The following SORT1 variants were observed in gnomAD, a reference collection of about 807,000 sequenced individuals.
SORT1 encodes sortilin.
Under a neutral mutation model 101.7 loss-of-function variants are expected in SORT1, and 39 were observed. The observed-to-expected ratio is 0.38, with a 90% CI of 0.30 to 0.50. The LOEUF is 0.50. Ranked by LOEUF, SORT1 falls within the 20% of genes least tolerant of loss-of-function variation. The pLI, the probability that SORT1 is intolerant of heterozygous loss-of-function variation, is 0.90. For synonymous variants in SORT1, 396 were observed against 393.7 expected (o/e 1.01, Z -0.07); for missense variants, 878 against 1,040.4 (o/e 0.84, Z 2.15).
rs756750430 is a variant in SORT1, at chr1:109,327,562, T to G, written c.1411A>C (p.Lys471Gln). 1 of 1,611,870 alleles carries G rather than the reference T, an allele frequency of 6.2e-7. No homozygotes were observed. Among genetic ancestry groups the G allele is most frequent in the Non-Finnish European group, 8.5e-7 (1 of 1,179,360 alleles). Reference protein sequence around the residue: ...HIHASYSISQKLNVPMAPLSE... With the variant: ...HIHASYSISQQLNVPMAPLSE... ...AGTGGGGCCATTGGAACATTCAGTTTCTGGGAGATGCTGTAGGAAGCATGA... is the reference window on the plus strand; with the variant it reads ...AGTGGGGCCATTGGAACATTCAGTTGCTGGGAGATGCTGTAGGAAGCATGA... Residue 471 changes from lysine (K) to glutamine (Q), a missense_variant, in exon 12 of 20, where the codon AAA becomes CAA. Lys to Gln is a moderately conservative substitution (Grantham distance 53). Coordinates refer to ENST00000256637, the MANE Select transcript of SORT1 (RefSeq NM_002959.7).
intron 3 of SORT1, among the ~76,000 whole-genome samples, chr1:109,358,807 C>T (rs1290019449): frequency 6.0e-5 from 9 of 150,326 alleles, no homozygotes; most frequent in South Asian, 2.1e-4. Context: ...GAGCCGAGAT[C>T]GTGCCACTGC....
intron 8 of SORT1, among the ~76,000 whole-genome samples, chr1:109,342,960 C>T (rs1010478647): frequency 2.0e-5 from 3 of 152,130 alleles, no homozygotes; most frequent in Non-Finnish European, 4.4e-5. Context: ...CTTATACCAA[C>T]ATGTCTCATT....
chr1:109,372,512 T>C (rs1181668230), intron 1 of SORT1, among the ~76,000 whole-genome samples: 1 of 152,286 alleles, frequency 6.6e-6, no homozygotes, highest in Non-Finnish European at 1.5e-5. Context: ...GAGTATGAAA[T>C]GTAAAAGTTC....
intron 1 of SORT1, chr1:109,393,194 C>T (rs1653014350): frequency 5.1e-6 from 5 of 985,310 alleles, no homozygotes; most frequent in Non-Finnish European, 6.0e-6. Context: ...GAGCTGACAC[C>T]CCATACAACA....
At chr1:109,342,746 C>A (rs374028095) in intron 8 of SORT1, among the ~76,000 whole-genome samples, 1 of 151,920 alleles carries the variant, frequency 6.6e-6, no homozygotes, top group Non-Finnish European at 1.5e-5. Context: ...CAAGGAGAGT[C>A]GGAAATTACT....
rs1651413197 is a variant in SORT1 at position 109,370,364 on chromosome 1, A to G, written c.307-775T>C. Among the ~76,000 whole-genome samples, 8 of 152,240 alleles carry G rather than the reference A, an allele frequency of 5.3e-5. No individual in the cohort carries two copies. In the South Asian group the frequency reaches 1.2e-3, roughly 24 times the overall value. ...ACAATTATAAGAACGCATAATAAAG[A>G]TAAGTCACTCATAATCCTACCACAT... On this transcript the variant is annotated intron_variant, in intron 1 of 19. Coordinates refer to ENST00000256637, the MANE Select transcript of SORT1 (RefSeq NM_002959.7).
chr1:109,374,488 G>T (rs1032520158), intron 1 of SORT1, among the ~76,000 whole-genome samples: 1 of 152,070 alleles, frequency 6.6e-6, no homozygotes, highest in African/African-American at 2.4e-5. Flanking sequence ...CTACTCAAGA[G>T]GCTGAGGGAG....
chr1:109,333,350 T>C (rs1239441902), intron 11 of SORT1, among the ~76,000 whole-genome samples: 5 of 152,204 alleles, frequency 3.3e-5, no homozygotes, highest in African/African-American at 1.2e-4. Context: ...GACATTCATC[T>C]GGGCAATGGC....
chr1:109,376,081 G>A (rs1247496564), intron 1 of SORT1, among the ~76,000 whole-genome samples: 22 of 152,186 alleles, frequency 1.4e-4, no homozygotes, highest in Non-Finnish European at 1.9e-4. Flanking sequence ...GGTGGCTCAC[G>A]CTTGTAATCC....
intron 5 of SORT1, among the ~76,000 whole-genome samples, chr1:109,351,962 A>G (rs946064714): frequency 4.8e-5 from 5 of 105,216 alleles, no homozygotes; most frequent in African/African-American, 1.9e-4. Context: ...GATGAGAGGT[A>G]GGGGTGTGTG....
At chr1:109,322,272 C>A (rs754095627) in intron 15 of SORT1, among the ~76,000 whole-genome samples, 1 of 151,994 alleles carries the variant, frequency 6.6e-6, no homozygotes, top group African/African-American at 2.4e-5. Flanking sequence ...TTCCTCTTTG[C>A]TCCTCTACCA....
Position 109,312,420 on chromosome 1 carries a change from C to G in SORT1, c.*1623G>C, listed in dbSNP as rs763217312. 2 of 152,470 alleles carry G rather than the reference C, an allele frequency of 1.3e-5. No individual in the cohort carries two copies. The highest frequency in any genetic ancestry group is 2.9e-5 in the Non-Finnish European group (2 of 68,020). The allele number at this position is 152,470 out of a possible 1,614,324, so 9.4% of individuals were successfully genotyped here. On this transcript the variant is annotated 3_prime_UTR_variant, in exon 20 of 20. Transcript: ENST00000256637. Reference sequence around the variant, plus strand: ...TCTAAAAGTCTCCATCCACTCTCTCCCCCACTTTCCACGCAGCTGTTAATC... The same window carrying G: ...TCTAAAAGTCTCCATCCACTCTCTCGCCCACTTTCCACGCAGCTGTTAATC...
chr1:109,347,517 G>T lies in SORT1; in HGVS notation c.798C>A (p.Thr266=). ...CATTTGCATAGGTTGTAAAGAAGAT[G>T]GTGTTGTCTGATCCCCTACAATGAG... The part of the protein sequence containing the change: ...VCLAKWGSDN[T]IFFTTYANGS... Residue 266 remains threonine (T), a synonymous_variant, in exon 7 of 20, where the codon ACC becomes ACA. Transcript: ENST00000256637. 1 of 1,610,646 alleles carries T rather than the reference G, an allele frequency of 6.2e-7. No individual in the cohort carries two copies. The highest frequency in any genetic ancestry group is 8.5e-7 in the Non-Finnish European group (1 of 1,176,924).
At chr1:109,368,959 C>T (rs1450435070) in intron 2 of SORT1, among the ~76,000 whole-genome samples, 1 of 152,206 alleles carries the variant, frequency 6.6e-6, no homozygotes, top group Non-Finnish European at 1.5e-5. Context: ...TCTTGCTCAT[C>T]TTGATGCTAA....
At chr1:109,374,146 G>A (rs1014204816) in intron 1 of SORT1, among the ~76,000 whole-genome samples, 7 of 152,092 alleles carry the variant, frequency 4.6e-5, no homozygotes, top group African/African-American at 1.7e-4. Context: ...GACCCATAAT[G>A]AAGAGAAAAA....
chr1:109,340,533 T>C (rs576158275), intron 10 of SORT1, among the ~76,000 whole-genome samples, 191 bp downstream of exon 10: 110 of 151,094 alleles, frequency 7.3e-4, no homozygotes, highest in Non-Finnish European at 1.1e-3. Context: ...TTGTACCCTA[T>C]ACAATGTTAA....
intron 1 of SORT1, among the ~76,000 whole-genome samples, chr1:109,382,675 C>G (rs1046401015): frequency 2.0e-5 from 3 of 152,192 alleles, no homozygotes; most frequent in Admixed American, 1.3e-4. Context: ...ATGGTACCAA[C>G]AGCCATCTAC....
At position 109,355,438 on chromosome 1, in the gene SORT1, T is replaced by C; in HGVS notation, c.472A>G (p.Thr158Ala). ...ATAAAGGTGTTATTGATGAGATCTGTAATATCCTTAAAGTTCTTCCCATAA... is the reference window on the plus strand; with the variant it reads ...ATAAAGGTGTTATTGATGAGATCTGCAATATCCTTAAAGTTCTTCCCATAA... ...EDYGKNFKDI[T>A]DLINNTFIRT... is the part of the protein sequence containing the mutation. The change falls in exon 4 of 20, where the codon ACA becomes GCA. Residue 158 changes from threonine to alanine, a missense_variant. Physicochemically the swap from Thr to Ala is moderately conservative, Grantham distance 58. Around this residue, in one of 2 missense-constraint regions of SORT1, gnomAD observed 684 missense variants for 894.5 expected, o/e 0.76. Coordinates refer to ENST00000256637, the MANE Select transcript of SORT1 (RefSeq NM_002959.7). 1.2e-6 allele frequency: 2 copies of C among 1,600,114 alleles called. No homozygotes were observed. Among genetic ancestry groups the C allele is most frequent in the Non-Finnish European group, 1.7e-6 (2 of 1,167,366 alleles).
intron 3 of SORT1, among the ~76,000 whole-genome samples, chr1:109,363,209 T>C (rs1320411389): frequency 6.6e-6 from 1 of 152,204 alleles, no homozygotes; most frequent in Non-Finnish European, 1.5e-5. Flanking sequence ...AAGTACATTA[T>C]ACAATGAAAA....
Sources: gnomAD v4.1 joint callset for allele counts (sites outside exome capture counted in the v4.1 genomes callset) on GRCh38, gnomAD v4.1.1 for gene constraint, gnomAD v4.1.1 regional missense constraint, MANE v1.5 for transcripts, NCBI Gene and HGNC (gene_info 2026-07-23, HGNC 2026-07-21) for gene names.